The following ANKMY2 variants were observed in gnomAD, a reference collection of about 807,000 sequenced individuals.
ANKMY2 encodes ankyrin repeat and MYND domain containing 2.
ANKMY2 carries 36 observed loss-of-function variants against 50.4 expected under a neutral mutation model. The ratio of observed to expected loss-of-function variants is 0.71; its 90% confidence interval spans 0.55 to 0.94. The LOEUF is 0.94. Among genes scored for constraint, ANKMY2 ranks in the 40% least tolerant of loss-of-function variants. The pLI, the probability that ANKMY2 is intolerant of heterozygous loss-of-function variation, is 0.00. For missense variants in ANKMY2, 565 were observed against 524.0 expected (o/e 1.08, Z -0.76); for synonymous variants, 187 against 178.8 (o/e 1.05, Z -0.36).
Position 16,615,774 on chromosome 7 carries a change from A to G in ANKMY2, c.501T>C (p.Ile167=), listed in dbSNP as rs1583672907. The G allele has an allele frequency of 2.5e-6, 4 of 1,614,196 alleles. No individual in the cohort carries two copies. The highest frequency in any genetic ancestry group is 8.5e-7 in the Non-Finnish European group (1 of 1,180,024). Residue 167 remains isoleucine, a synonymous_variant, in exon 5 of 10, where the codon ATT becomes ATC. Transcript: ENST00000306999. The stretch of plus-strand genomic sequence containing the variant: ...CAGGATGAAGATTCGTTGTGGTGAT[A>G]ATTTTGTGCAGCGGGCCTGCCAACT... ...PPKLAGPLHK[I]ITTTNLHPVK...
chr7:16,635,774 A>G lies in ANKMY2; in HGVS notation c.132+617T>C, dbSNP rs1156573174. Among the ~76,000 whole-genome samples the G allele has an allele frequency of 7.2e-5, 11 of 152,228 alleles. No homozygotes were observed. The East Asian group carries it at 1.9e-3, about 27-fold the overall frequency. ...CTCAGTTAAAATTGATACATATTCCAAAATTTTCTACAGAATAGTACATCA... is the reference window on the plus strand; with the variant it reads ...CTCAGTTAAAATTGATACATATTCCGAAATTTTCTACAGAATAGTACATCA... On this transcript the variant is annotated intron_variant, in intron 2 of 9. Transcript: ENST00000306999.
rs187223211 is a variant in ANKMY2, at chr7:16,604,551, A to G, written c.1011+170T>C. ...ACAGACACAGTAAAGAACTATATTG[A>G]TCCTATTAATTCTTTTCCAAAACTA... On this transcript the variant is annotated intron_variant, in intron 8 of 9. Coordinates refer to ENST00000306999, the MANE Select transcript of ANKMY2 (RefSeq NM_020319.3). Among the ~76,000 whole-genome samples the G allele has an allele frequency of 2.7e-4, 41 of 152,332 alleles. 1 individual carries two copies. The highest frequency in any genetic ancestry group is 8.2e-4 in the African/African-American group (34 of 41,574).
At chr7:16,621,050 C>T (rs375634262) in intron 4 of ANKMY2, among the ~76,000 whole-genome samples, 6 of 151,960 alleles carry the variant, frequency 3.9e-5, no homozygotes, top group Admixed American at 2.0e-4. Flanking sequence ...TTACTTGGCC[C>T]GAAGCAAATT....
At chr7:16,610,847 A>G (rs1781239016) in intron 5 of ANKMY2, 84 bp from the exon 6 acceptor site, 3 of 1,175,956 alleles carry the variant, frequency 2.6e-6, no homozygotes, top group Non-Finnish European at 3.6e-6. Context: ...TTGATTTCAA[A>G]AGATTACCAA....
chr7:16,609,452 G>A (rs1037080978), intron 7 of ANKMY2, among the ~76,000 whole-genome samples, 178 bp downstream of exon 7: 1 of 152,194 alleles, frequency 6.6e-6, no homozygotes, highest in Non-Finnish European at 1.5e-5. Flanking sequence ...GAAGAGGATC[G>A]TGAGATGGGA....
chr7:16,631,226 T>G (rs1255907793), intron 2 of ANKMY2, among the ~76,000 whole-genome samples: 1 of 152,242 alleles, frequency 6.6e-6, no homozygotes, highest in Non-Finnish European at 1.5e-5. Context: ...AAAGGTTTTC[T>G]AAAACTGAAC....
At chr7:16,644,458 T>C (rs1468933894) in intron 1 of ANKMY2, among the ~76,000 whole-genome samples, 2 of 152,350 alleles carry the variant, frequency 1.3e-5, no homozygotes, top group Admixed American at 6.5e-5. Context: ...GAAGAATAAA[T>C]CTGCCTTATT....
At chr7:16,622,035 G>C (rs1377100288) in intron 4 of ANKMY2, among the ~76,000 whole-genome samples, 1 of 150,408 alleles carries the variant, frequency 6.6e-6, no homozygotes, top group East Asian at 1.9e-4. Context: ...AGTTAAAAAA[G>C]AAGAAGAAGA....
chr7:16,644,482 C>T lies in ANKMY2; in HGVS notation c.67+1025G>A, dbSNP rs929516925. Reference sequence around the variant, plus strand: ...ATCTGCCTTATTCTCTAGGATTCCACATTTCAGCCTGGCTACTAAGTAAAT... The same window carrying T: ...ATCTGCCTTATTCTCTAGGATTCCATATTTCAGCCTGGCTACTAAGTAAAT... On this transcript the variant is annotated intron_variant, in intron 1 of 9. Coordinates refer to ENST00000306999, the MANE Select transcript of ANKMY2 (RefSeq NM_020319.3). 1.2e-5 allele frequency: 4 copies of T among 328,974 alleles called. No homozygotes were observed. In the Admixed American group the frequency reaches 1.3e-4, roughly 11 times the overall value. The allele number at this position is 328,974 out of a possible 1,614,324, so 20.4% of individuals were successfully genotyped here.
intron 6 of ANKMY2, among the ~76,000 whole-genome samples, chr7:16,609,984 C>T (rs1781221143): frequency 6.6e-6 from 1 of 152,180 alleles, no homozygotes; most frequent in African/African-American, 2.4e-5. Context: ...AAGGTGACTA[C>T]CACCATAAAA....
At chr7:16,622,664 C>A (rs569167525) in intron 4 of ANKMY2, among the ~76,000 whole-genome samples, 1 of 151,722 alleles carries the variant, frequency 6.6e-6, no homozygotes, top group Non-Finnish European at 1.5e-5. Context: ...CACTTGAACC[C>A]GGGAGGCGGA....
chr7:16,627,002 G>A, intron 3 of ANKMY2, 38 bp downstream of exon 3: 10 of 1,516,218 alleles, frequency 6.6e-6, no homozygotes, highest in Non-Finnish European at 8.0e-6. Flanking sequence ...TAACAAGTTT[G>A]TATAGGTAAC....
chr7:16,615,186 T>C (rs1270613341), intron 5 of ANKMY2, among the ~76,000 whole-genome samples: 5 of 152,250 alleles, frequency 3.3e-5, no homozygotes, highest in Non-Finnish European at 5.9e-5. Context: ...AATGTGCTCA[T>C]GATTACATTT....
intron 1 of ANKMY2, among the ~76,000 whole-genome samples, chr7:16,645,148 C>A (rs1054843949): frequency 6.6e-6 from 1 of 152,142 alleles, no homozygotes; most frequent in Non-Finnish European, 1.5e-5. Context: ...CTGAAACTAC[C>A]AGGACTGACC....
chr7:16,617,225 G>A (rs1311196054), intron 4 of ANKMY2, among the ~76,000 whole-genome samples: 1 of 152,130 alleles, frequency 6.6e-6, no homozygotes, highest in Non-Finnish European at 1.5e-5. Context: ...TGATTTTGAT[G>A]CTGTATTCAT....
At chr7:16,612,588 G>T (rs533503117) in intron 5 of ANKMY2, among the ~76,000 whole-genome samples, 86 of 152,140 alleles carry the variant, frequency 5.7e-4, no homozygotes, top group African/African-American at 2.0e-3. Context: ...ATCAACTATA[G>T]AATCTTAAAC....
rs1289617604 is a variant in ANKMY2 at position 16,610,628 on chromosome 7, G to C, written c.667C>G (p.His223Asp). The part of the protein sequence containing the change: ...DMNEVLAMKM[H>D]YISCIFQKCI... ...TTCTGAAAGATACAGCTTATGTAAT[G>C]CATCTTCATAGCCAATACTTCATTC... The change falls in exon 6 of 10, where the codon CAT becomes GAT. Residue 223 changes from histidine to aspartate, a missense_variant. Coordinates refer to ENST00000306999, the MANE Select transcript of ANKMY2 (RefSeq NM_020319.3). 9 of 1,613,770 alleles carry C rather than the reference G, an allele frequency of 5.6e-6. No individual in the cohort carries two copies. The highest frequency in any genetic ancestry group is 7.6e-6 in the Non-Finnish European group (9 of 1,179,876).
Position 16,602,409 on chromosome 7 carries a change from G to A in ANKMY2, c.1112C>T (p.Ala371Val). 6.2e-7 allele frequency: 1 copy of A among 1,613,582 alleles called. No individual in the cohort carries two copies. Among genetic ancestry groups the A allele is most frequent in the Non-Finnish European group, 8.5e-7 (1 of 1,179,932 alleles). ...KDIYEKQQLE[A>V]AKEKRQEENH... Reference sequence around the variant, plus strand: ...TTCCTCTTGTCTCTTTTCTTTGGCAGCCTCCAACTGTTGCTTTTCGTAAAT... The same window carrying A: ...TTCCTCTTGTCTCTTTTCTTTGGCAACCTCCAACTGTTGCTTTTCGTAAAT... The change falls in exon 9 of 10, where the codon GCT becomes GTT. Residue 371 changes from alanine (A) to valine (V), a missense_variant. Physicochemically the swap from Ala to Val is moderately conservative, Grantham distance 64. Coordinates refer to ENST00000306999, the MANE Select transcript of ANKMY2 (RefSeq NM_020319.3).
chr7:16,601,090 TGAGAAAACTGAGAAGA>T (rs1225952161), intron 9 of ANKMY2, 145 bp from the exon 10 acceptor site: 4 of 583,584 alleles, frequency 6.9e-6, no homozygotes, highest in African/African-American at 1.9e-5. Context: ...ATTTTACAAA[TGAGAAAACTGAGAAGA>T]GAGAGGTTTG....
Sources: gnomAD v4.1 joint callset for allele counts (sites outside exome capture counted in the v4.1 genomes callset) on GRCh38, gnomAD v4.1.1 for gene constraint, MANE v1.5 for transcripts, NCBI Gene and HGNC (gene_info 2026-07-23, HGNC 2026-07-21) for gene names.